Variants in NR2C1 observed in about 807,000 individuals in gnomAD.
NR2C1 encodes TR2 nuclear hormone receptor.
In NR2C1, 33 loss-of-function variants were observed where a neutral mutation model predicts 74.8. That is an observed-to-expected ratio of 0.44 (90% CI 0.33 to 0.59). The LOEUF (loss-of-function observed/expected upper bound fraction) is 0.59. NR2C1 is among the 20% of genes least tolerant of loss of function. The pLI is 0.02. For synonymous variants in NR2C1, 225 were observed against 240.6 expected, an observed-to-expected ratio of 0.94 and a Z score of 0.60; for missense variants, 568 against 715.6, an observed-to-expected ratio of 0.79 and a Z score of 2.35.
chr12:95,035,020 CAAAG>C (rs915442666), intron 10 of NR2C1, among the ~76,000 whole-genome samples: 4 of 152,050 alleles, frequency 2.6e-5, no homozygotes, highest in African/African-American at 4.8e-5. Flanking sequence ...GATATAATAA[CAAAG>C]AAAACTGGCA....
At chr12:95,065,040 A>G (rs1875453874) in intron 2 of NR2C1, among the ~76,000 whole-genome samples, 1 of 152,202 alleles carries the variant, frequency 6.6e-6, no homozygotes, top group Admixed American at 6.5e-5. Context: ...TAAATGAGTA[A>G]AAGGACATTA....
rs1036302044 is a variant in NR2C1, at chr12:95,073,565, C to T, written c.-193G>A. The T allele has an allele frequency of 6.6e-6, 1 of 152,286 alleles. No homozygotes were observed. Among genetic ancestry groups the T allele is most frequent in the African/African-American group, 2.4e-5 (1 of 41,466 alleles). 9.4% of individuals were successfully genotyped at this position (152,286 alleles called of 1,614,324 possible). A position where few individuals can be genotyped will look rare whatever the true frequency, so the allele number is the denominator to read the frequency against. On this transcript the variant is annotated 5_prime_UTR_variant, in exon 1 of 14. Coordinates refer to ENST00000333003, the MANE Select transcript of NR2C1 (RefSeq NM_003297.4). The stretch of plus-strand genomic sequence containing the variant: ...ATTTCTGGGGGGTCAGAGTTCGTGA[C>T]CTCTTTCTCGGCTCGGCGGCGCGCT...
intron 9 of NR2C1, among the ~76,000 whole-genome samples, chr12:95,041,822 C>T (rs1455184113): frequency 6.6e-6 from 1 of 152,144 alleles, no homozygotes; most frequent in Non-Finnish European, 1.5e-5. Flanking sequence ...TACTTGCATA[C>T]ATGCACAAAA....
At chr12:95,053,818 G>GGA (rs1374208534) in intron 7 of NR2C1, among the ~76,000 whole-genome samples, 1 of 151,624 alleles carries the variant, frequency 6.6e-6, no homozygotes, top group African/African-American at 2.4e-5. Flanking sequence ...TGAGGAGCTG[G>GGA]GACTACAGGC....
At chr12:95,049,539 A>T (rs965656416) in intron 8 of NR2C1, 18 of 195,550 alleles carry the variant, frequency 9.2e-5, no homozygotes, top group African/African-American at 4.2e-4. Flanking sequence ...GCAGGGCTGC[A>T]GTGAGCTATG....
intron 12 of NR2C1, 102 bp from the exon 13 acceptor site, chr12:95,025,357 A>ACATTTTATGATGGGGCT: frequency 1.6e-6 from 1 of 634,438 alleles, no homozygotes; most frequent in Non-Finnish European, 2.6e-6. Flanking sequence ...TAGAAGCCCC[A>ACATTTTATGATGGGGCT]TCATAAAATG....
At chr12:95,067,159 A>G in intron 2 of NR2C1, 172 bp downstream of exon 2, 2 of 654,212 alleles carry the variant, frequency 3.1e-6, no homozygotes, top group South Asian at 1.8e-5. Flanking sequence ...CACAGAACTT[A>G]CCACATTCTA....
In NR2C1 at chr12:95,028,424, T is replaced by C; in HGVS notation, c.1494A>G (p.Glu498=). 1 of 1,610,916 alleles carries C rather than the reference T, an allele frequency of 6.2e-7. No homozygotes were observed. Among genetic ancestry groups the C allele is most frequent in the Non-Finnish European group, 8.5e-7 (1 of 1,177,580 alleles). Residue 498 remains glutamate, a synonymous_variant, in exon 12 of 14, where the codon GAA becomes GAG. Transcript: ENST00000333003. ...GTACTATTGCCTTCAGGTAGGCATA[T>C]TCGTATCCATCAATGCAGAGTTTAA... ...SMVKLCIDGY[E]YAYLKAIVLF...
At chr12:95,026,502 T>A (rs892315481) in intron 12 of NR2C1, among the ~76,000 whole-genome samples, 15 of 152,144 alleles carry the variant, frequency 9.9e-5, no homozygotes, top group African/African-American at 3.6e-4. Flanking sequence ...ATGAAAATTT[T>A]AAAAAGTACT....
Position 95,022,169 on chromosome 12 carries a change from A to G in NR2C1, c.*60T>C. ...AGATGCCTCAAAAGCAGTGAGTTCAATTTGGTGTCTTGTGTTCTGGCAAAG... is the reference window on the plus strand; with the variant it reads ...AGATGCCTCAAAAGCAGTGAGTTCAGTTTGGTGTCTTGTGTTCTGGCAAAG... On this transcript the variant is annotated 3_prime_UTR_variant, in exon 14 of 14. Coordinates refer to ENST00000333003, the MANE Select transcript of NR2C1 (RefSeq NM_003297.4). 1 of 1,351,854 alleles carries G rather than the reference A, an allele frequency of 7.4e-7. No homozygotes were observed. Among genetic ancestry groups the G allele is most frequent in the Non-Finnish European group, 9.9e-7 (1 of 1,011,202 alleles). 83.7% of individuals were successfully genotyped at this position (1,351,854 alleles called of 1,614,324 possible). A position where few individuals can be genotyped will look rare whatever the true frequency, so the allele number is the denominator to read the frequency against.
intron 10 of NR2C1, among the ~76,000 whole-genome samples, chr12:95,033,974 T>C (rs1870487221): frequency 6.6e-6 from 1 of 152,238 alleles, no homozygotes; most frequent in Non-Finnish European, 1.5e-5. Context: ...TGGAGAGATA[T>C]AAGTTGGTAA....
chr12:95,031,839 T>A (rs570644033), intron 10 of NR2C1, among the ~76,000 whole-genome samples: 1 of 152,344 alleles, frequency 6.6e-6, no homozygotes, highest in Non-Finnish European at 1.5e-5. Context: ...TGAATATAGG[T>A]AAATACCTTT....
At chr12:95,024,745 A>AT (rs1368986525) in intron 13 of NR2C1, among the ~76,000 whole-genome samples, 2 of 151,898 alleles carry the variant, frequency 1.3e-5, no homozygotes, top group East Asian at 1.9e-4. Flanking sequence ...TAATTTTTGT[A>AT]TTTTTTTGTA....
rs1873054034 is a variant in NR2C1 at position 95,051,841 on chromosome 12, A to G, written c.886T>C (p.Ser296Pro). The change falls in exon 8 of 14, where the codon TCT becomes CCT. Residue 296 changes from serine (S) to proline (P), a missense_variant. Ser to Pro is a moderately conservative substitution (Grantham distance 74, BLOSUM62 -1). This residue lies in a region of NR2C1 where 239 missense variants were observed against 232.3 expected (regional missense o/e 1.03). Coordinates refer to ENST00000333003, the MANE Select transcript of NR2C1 (RefSeq NM_003297.4). ...KDLSQNSNEM[S>P]MIESLSNDDT... ...TCATTGCTTAAGCTTTCAATCATAG[A>G]CATTTCATTACTATTTTGAGAAAGA... 1 of 1,611,552 alleles carries G rather than the reference A, an allele frequency of 6.2e-7. No homozygotes were observed. The highest frequency in any genetic ancestry group is 1.3e-5 in the African/African-American group (1 of 74,782).
intron 9 of NR2C1, among the ~76,000 whole-genome samples, chr12:95,044,105 T>C (rs1015798046): frequency 6.6e-6 from 1 of 152,196 alleles, no homozygotes; most frequent in African/African-American, 2.4e-5. Context: ...TAAATTGAAT[T>C]ATACACATTT....
At chr12:95,026,081 C>A (rs1185356993) in intron 12 of NR2C1, among the ~76,000 whole-genome samples, 1 of 151,834 alleles carries the variant, frequency 6.6e-6, no homozygotes, top group African/African-American at 2.4e-5. Context: ...GTGGCAGGCA[C>A]CTGTAATCCC....
chr12:95,036,483 TCTAA>T (rs1333775501), intron 10 of NR2C1, among the ~76,000 whole-genome samples: 2 of 151,928 alleles, frequency 1.3e-5, no homozygotes, highest in Non-Finnish European at 2.9e-5. Flanking sequence ...GGTATTTTTC[TCTAA>T]CTACTACACT....
chr12:95,057,611 A>T lies in NR2C1; in HGVS notation c.725T>A (p.Met242Lys). 6.2e-7 allele frequency: 1 copy of T among 1,614,118 alleles called. No individual in the cohort carries two copies. The highest frequency in any genetic ancestry group is 8.5e-7 in the Non-Finnish European group (1 of 1,179,996). ...STGLLDSGMF[M>K]NIHPSGVKTE... ...TTTTACTCCAGATGGATGAATATTC[A>T]TGAACATTCCTGAATCTAACAGTCC... Residue 242 changes from methionine to lysine, a missense_variant, in exon 7 of 14, where the codon ATG becomes AAG. Transcript: ENST00000333003.
At position 95,020,234 on chromosome 12, in the gene NR2C1, A is replaced by G. The variant is rs958222007; in HGVS notation, c.*1995T>C. The G allele has an allele frequency of 3.3e-5, 5 of 152,228 alleles. No homozygotes were observed. The highest frequency in any genetic ancestry group is 1.2e-4 in the African/African-American group (5 of 41,464). 9.4% of individuals were successfully genotyped at this position (152,228 alleles called of 1,614,324 possible). A position where few individuals can be genotyped will look rare whatever the true frequency, so the allele number is the denominator to read the frequency against. On this transcript the variant is annotated 3_prime_UTR_variant, in exon 14 of 14. Coordinates refer to ENST00000333003, the MANE Select transcript of NR2C1 (RefSeq NM_003297.4). The stretch of plus-strand genomic sequence containing the variant: ...AACGAAGGATAAGCAATCACTGAAA[A>G]GGAAAATGAATAATATATTTACAAA...
Sources: allele counts gnomAD v4.1 joint callset (sites outside exome capture counted in the v4.1 genomes callset), GRCh38; gene constraint gnomAD v4.1.1; regional missense constraint gnomAD v4.1.1; transcripts MANE v1.5; gene names NCBI Gene and HGNC (gene_info 2026-07-23, HGNC 2026-07-21).